Variants in SYT16 observed in about 807,000 individuals in gnomAD.
The protein encoded by SYT16 is synaptotagmin-16.
SYT16 carries 42 observed loss-of-function variants against 61.4 expected under a neutral mutation model. The ratio of observed to expected loss-of-function variants is 0.68; its 90% CI spans 0.53 to 0.89. SYT16 has a LOEUF of 0.89. Ranked by LOEUF, SYT16 falls within the 40% of genes least tolerant of loss-of-function variation. The probability of loss-of-function intolerance (pLI) is 0.00; values close to 1 mark genes in which losing one functional copy is unlikely to be tolerated. For synonymous variants in SYT16, 314 were observed against 302.3 expected, an observed-to-expected ratio of 1.04 and a Z score of -0.40; for missense variants, 804 against 807.3, an observed-to-expected ratio of 1.00 and a Z score of 0.05.
At chr14:61,972,961 G>C (rs2051623763) in intron 2 of SYT16, among the ~76,000 whole-genome samples, 1 of 152,080 alleles carries the variant, frequency 6.6e-6, no homozygotes, top group Admixed American at 6.6e-5. Context: ...CTAGCTTTCA[G>C]TCTATGAATG....
At chr14:62,020,201 CAGTG>C (rs1311934321) in intron 3 of SYT16, among the ~76,000 whole-genome samples, 1 of 152,090 alleles carries the variant, frequency 6.6e-6, no homozygotes, top group Non-Finnish European at 1.5e-5. Flanking sequence ...GAAAGAAATT[CAGTG>C]AGTGATTCCA....
intron 3 of SYT16, among the ~76,000 whole-genome samples, chr14:62,043,011 A>G (rs1417263728): frequency 6.6e-6 from 1 of 151,920 alleles, no homozygotes; most frequent in South Asian, 2.1e-4. Context: ...ATGTGGTGGT[A>G]AATTTGGTAC....
At chr14:62,017,240 C>A (rs1304351528) in intron 3 of SYT16, among the ~76,000 whole-genome samples, 1 of 152,146 alleles carries the variant, frequency 6.6e-6, no homozygotes, top group African/African-American at 2.4e-5. Context: ...CTCCTACTTA[C>A]CTGGTCACTT....
In SYT16 at chr14:61,832,529, C is replaced by T. The variant is rs536995687; in HGVS notation, c.-325+19719C>T. 5.9e-5 allele frequency among the ~76,000 whole-genome samples: 9 copies of T among 152,254 alleles called. 1 individual carries two copies. In the South Asian group the frequency reaches 1.7e-3, roughly 28 times the overall value. On this transcript the variant is annotated intron_variant, in intron 1 of 7. Transcript: ENST00000683842. The stretch of plus-strand genomic sequence containing the variant: ...TCAGCTCACTGCAACCTCCGCCTCC[C>T]GAGTTCAAGTGATTCTCCTGCCTCA...
At chr14:61,885,250 G>C (rs1213128675) in intron 1 of SYT16, among the ~76,000 whole-genome samples, 1 of 152,176 alleles carries the variant, frequency 6.6e-6, no homozygotes, top group Non-Finnish European at 1.5e-5. Flanking sequence ...AGAATGTTGG[G>C]TGAGTAACTT....
intron 3 of SYT16, among the ~76,000 whole-genome samples, chr14:62,020,415 C>G (rs943247188): frequency 6.6e-6 from 1 of 152,188 alleles, no homozygotes; most frequent in Non-Finnish European, 1.5e-5. Flanking sequence ...ACCTCTCCCT[C>G]TCCCTCTTTC....
At chr14:61,946,695 A>T (rs1219269411) in intron 1 of SYT16, among the ~76,000 whole-genome samples, 7 of 152,152 alleles carry the variant, frequency 4.6e-5, no homozygotes, top group African/African-American at 1.7e-4. Context: ...ACTCTTTCAG[A>T]GGCTTTCTGT....
intron 3 of SYT16, among the ~76,000 whole-genome samples, chr14:62,053,760 A>C (rs191853474): frequency 1.0e-3 from 155 of 152,344 alleles, no homozygotes; most frequent in African/African-American, 3.6e-3. Context: ...AAAATAATAG[A>C]AGGTAAACTA....
intron 2 of SYT16, among the ~76,000 whole-genome samples, chr14:61,982,051 G>T (rs1406506280): frequency 1.3e-5 from 2 of 152,152 alleles, no homozygotes; most frequent in African/African-American, 4.8e-5. Flanking sequence ...ACCAATGACT[G>T]TGTAACATAT....
intron 3 of SYT16, among the ~76,000 whole-genome samples, chr14:62,035,806 C>A (rs1197921411): frequency 6.6e-6 from 1 of 152,162 alleles, no homozygotes; most frequent in Non-Finnish European, 1.5e-5. Context: ...TTCAACAGAT[C>A]CGTATTAAGC....
chr14:61,869,612 C>T (rs1301644870), intron 1 of SYT16, among the ~76,000 whole-genome samples: 1 of 152,152 alleles, frequency 6.6e-6, no homozygotes, highest in Non-Finnish European at 1.5e-5. Flanking sequence ...CTGCTGTGGA[C>T]TGAATGTTTG....
intron 5 of SYT16, among the ~76,000 whole-genome samples, chr14:62,078,155 C>CTCTCTATATATATATATATATA (rs766089633): frequency 7.4e-6 from 1 of 135,936 alleles, no homozygotes; most frequent in African/African-American, 2.9e-5. Context: ...CTCTCTCTCT[C>CTCTCTATATATATATATATATA]TATATATATA....
chr14:62,083,318 A>AT (rs1169569537), intron 6 of SYT16, among the ~76,000 whole-genome samples: 1 of 152,206 alleles, frequency 6.6e-6, no homozygotes, highest in African/African-American at 2.4e-5. Context: ...GTCAAGTCTA[A>AT]TGCCCTTGTT....
At chr14:61,949,961 T>C (rs2050605431) in intron 1 of SYT16, among the ~76,000 whole-genome samples, 1 of 152,222 alleles carries the variant, frequency 6.6e-6, no homozygotes, top group South Asian at 2.1e-4. Flanking sequence ...CCACCTTCTG[T>C]GCCTCAGAGT....
rs1288392973 is a variant in SYT16, at chr14:61,996,093, A to C, written c.74A>C (p.Tyr25Ser). 7 of 1,612,870 alleles carry C rather than the reference A, an allele frequency of 4.3e-6. No homozygotes were observed. Among genetic ancestry groups the C allele is most frequent in the African/African-American group, 1.3e-5 (1 of 74,956 alleles). ...QPFSSWISRV[Y>S]EALQQAGDML... is the part of the protein sequence containing the mutation. ...TTCTCTTCCTGGATATCTCGGGTTT[A>C]TGAAGCTCTCCAGCAAGCAGGAGAT... The change falls in exon 3 of 8, where the codon TAT becomes TCT. Residue 25 changes from tyrosine (Y) to serine (S), a missense_variant. Coordinates refer to ENST00000683842, the MANE Select transcript of SYT16 (RefSeq NM_001367656.1).
chr14:62,064,034 A>AT (rs2055946258), intron 3 of SYT16, among the ~76,000 whole-genome samples: 1 of 152,150 alleles, frequency 6.6e-6, no homozygotes, highest in Non-Finnish European at 1.5e-5. Context: ...TAATTGTGTA[A>AT]CTTTTTTTCT....
chr14:61,879,630 G>A (rs867619519), intron 1 of SYT16, among the ~76,000 whole-genome samples: 4 of 152,190 alleles, frequency 2.6e-5, no homozygotes, highest in Middle Eastern at 3.4e-3. Flanking sequence ...CTCCTGGCGG[G>A]AGCTTCTAGT....
At position 61,985,917 on chromosome 14, in the gene SYT16, G is replaced by A. The variant is rs943471179; in HGVS notation, c.-144-9959G>A. On this transcript the variant is annotated intron_variant, in intron 2 of 7. Transcript: ENST00000683842. ...ATTATATGTGTATTGGCTACCAACA[G>A]TAGTAACAAGTCCAATGGAGGTGGC... Among the ~76,000 whole-genome samples the A allele has an allele frequency of 4.6e-5, 7 of 152,260 alleles. No individual in the cohort carries two copies. The East Asian group carries it at 1.2e-3, about 25-fold the overall frequency.
At chr14:62,033,616 A>T (rs111477970) in intron 3 of SYT16, among the ~76,000 whole-genome samples, 2 of 152,130 alleles carry the variant, frequency 1.3e-5, no homozygotes, top group African/African-American at 4.8e-5. Context: ...GCCCCATAGG[A>T]AATGGAAAGA....
Sources: gnomAD v4.1 joint callset for allele counts (sites outside exome capture counted in the v4.1 genomes callset) on GRCh38, gnomAD v4.1.1 for gene constraint, MANE v1.5 for transcripts, NCBI Gene and HGNC (gene_info 2026-07-23, HGNC 2026-07-21) for gene names.